The following CD99 variants were observed in gnomAD, a reference collection of about 807,000 sequenced individuals.
The protein encoded by CD99 is CD99 antigen.
Under a neutral mutation model 28.4 loss-of-function variants are expected in CD99, and 19 were observed. That is an observed-to-expected ratio of 0.67 (90% confidence interval 0.47 to 0.98). The LOEUF is 0.98. CD99 is among the 50% of genes least tolerant of loss of function. CD99 has a pLI of 0.00. For missense variants in CD99, 283 were observed against 248.8 expected (o/e 1.14, Z -0.92); for synonymous variants, 103 against 92.1 (o/e 1.12, Z -0.67).
chrX:2,694,253 C>G (rs1329845054), intron 1 of CD99, among the ~76,000 whole-genome samples: 3 of 151,930 alleles, frequency 2.0e-5, no homozygotes, highest in African/African-American at 7.3e-5. Flanking sequence ...TTCCCTCGCC[C>G]CAGTAGAGCA....
At chrX:2,711,106 C>A (rs768099710) in intron 1 of CD99, among the ~76,000 whole-genome samples, 1 of 150,354 alleles carries the variant, frequency 6.7e-6, no homozygotes. Context: ...CTCCTGACCT[C>A]GTGATCCTCT....
In CD99 at chrX:2,691,378, G is replaced by A; in HGVS notation, c.18G>A (p.Ala6=). Residue 6 remains alanine, a synonymous_variant, in exon 1 of 10, where the codon GCG becomes GCA. Coordinates refer to ENST00000381192, the MANE Select transcript of CD99 (RefSeq NM_002414.5). MARGA[A]LALLLFGLLG... ...GGCGCACCATGGCCCGCGGGGCTGC[G>A]CTGGCGCTGCTGCTCTTCGGCCTGC... is the stretch of plus-strand genomic sequence containing the variant. 6.3e-7 allele frequency: 1 copy of A among 1,577,690 alleles called. No homozygotes were observed. Among genetic ancestry groups the A allele is most frequent in the Non-Finnish European group, 8.5e-7 (1 of 1,171,820 alleles).
chrX:2,714,354 AT>A, intron 1 of CD99, 67 bp from the exon 2 acceptor site: 1 of 1,083,814 alleles, frequency 9.2e-7, no homozygotes, highest in Non-Finnish European at 1.4e-6. Flanking sequence ...TATCTTTTTT[AT>A]CTCTATAATA....
chrX:2,717,691 C>T (rs183635468), intron 3 of CD99, 39 bp downstream of exon 3: 1 of 1,574,824 alleles, frequency 6.3e-7, no homozygotes. Context: ...AGAAAAAGAG[C>T]AAATCATTTT....
intron 1 of CD99, among the ~76,000 whole-genome samples, chrX:2,705,893 A>G (rs1465007400): frequency 6.6e-6 from 1 of 152,108 alleles, no homozygotes; most frequent in East Asian, 1.9e-4. Flanking sequence ...ATTCCCACAC[A>G]GGAGGACTTC....
intron 1 of CD99, 31 bp downstream of exon 1, chrX:2,691,458 A>C (rs1224854307): frequency 1.3e-6 from 2 of 1,568,472 alleles, no homozygotes; most frequent in South Asian, 1.1e-5. Flanking sequence ...GGGTTGGGGG[A>C]CGCGGAGGGC....
chrX:2,732,943 T>G (rs2049740158), intron 8 of CD99, among the ~76,000 whole-genome samples: 1 of 132,916 alleles, frequency 7.5e-6, no homozygotes, highest in South Asian at 2.6e-4. Context: ...CCCTCTCTCC[T>G]TCCCTTCCTC....
At chrX:2,711,290 T>TGTATATATA (rs778786873) in intron 1 of CD99, among the ~76,000 whole-genome samples, 1 of 148,360 alleles carries the variant, frequency 6.7e-6, no homozygotes, top group Admixed American at 6.8e-5. Context: ...ATATATAGTA[T>TGTATATATA]GTATATATAG....
At chrX:2,706,537 G>A (rs1395798803) in intron 1 of CD99, among the ~76,000 whole-genome samples, 1 of 152,148 alleles carries the variant, frequency 6.6e-6, no homozygotes, top group Non-Finnish European at 1.5e-5. Context: ...ACCAGCAGGA[G>A]CAGATGAGTA....
intron 8 of CD99, among the ~76,000 whole-genome samples, chrX:2,727,788 T>A (rs1307169959): frequency 6.6e-6 from 1 of 152,092 alleles, no homozygotes; most frequent in Non-Finnish European, 1.5e-5. Flanking sequence ...ACAGCTACTG[T>A]TTTATGGAGG....
intron 1 of CD99, chrX:2,691,824 G>T (rs372340245): frequency 1.3e-6 from 1 of 777,054 alleles, no homozygotes; most frequent in East Asian, 2.4e-5. Context: ...GCGCGCGGAG[G>T]CCGCCCTGGA....
chrX:2,692,130 G>T, intron 1 of CD99: 3 of 581,868 alleles, frequency 5.2e-6, no homozygotes, highest in Non-Finnish European at 9.1e-6. Context: ...ACCCTCCCAC[G>T]CCCTAAACCG....
intron 1 of CD99, among the ~76,000 whole-genome samples, chrX:2,700,853 C>T (rs1309469087): frequency 2.0e-5 from 3 of 151,908 alleles, no homozygotes; most frequent in African/African-American, 7.3e-5. Flanking sequence ...ATCTGTTCAT[C>T]CATCCATCCA....
At chrX:2,717,720 A>C (rs1411043454) in intron 3 of CD99, 68 bp downstream of exon 3, 1 of 1,380,258 alleles carries the variant, frequency 7.2e-7, no homozygotes, top group Non-Finnish European at 1.0e-6. Flanking sequence ...GCAGGACGGG[A>C]CTTAGGCAAC....
At chrX:2,718,461 T>C (rs1249013870) in intron 3 of CD99, among the ~76,000 whole-genome samples, 1 of 151,860 alleles carries the variant, frequency 6.6e-6, no homozygotes, top group East Asian at 1.9e-4. Context: ...CTCCGCTTCC[T>C]GGGTTCACAC....
rs144618770 is a variant in CD99, at chrX:2,710,773, C to T, written c.68-3649C>T. On this transcript the variant is annotated intron_variant, in intron 1 of 9. Coordinates refer to ENST00000381192, the MANE Select transcript of CD99 (RefSeq NM_002414.5). ...GCCTTCAAGGAAGCACTGTCATTTC[C>T]GGGGAAGAGAGTTTTGAGGAAATTG... Among the ~76,000 whole-genome samples the T allele has an allele frequency of 8.2e-3, 1,233 of 151,076 alleles. 9 individuals carry two copies. The highest frequency in any genetic ancestry group is 0.013 in the Non-Finnish European group (897 of 67,822).
At chrX:2,702,493 C>T (rs1207084375) in intron 1 of CD99, among the ~76,000 whole-genome samples, 1 of 152,216 alleles carries the variant, frequency 6.6e-6, no homozygotes, top group African/African-American at 2.4e-5. Context: ...TACACGCAAT[C>T]TTCATCATTC....
At chrX:2,733,105 C>T (rs1273150847) in intron 8 of CD99, among the ~76,000 whole-genome samples, 2 of 151,046 alleles carry the variant, frequency 1.3e-5, no homozygotes, top group African/African-American at 4.9e-5. Flanking sequence ...CTTCTTCCTG[C>T]TTCCCTCCTG....
In CD99 at chrX:2,700,837, C is replaced by T. The variant is rs1011691738; in HGVS notation, c.67+9410C>T. On this transcript the variant is annotated intron_variant, in intron 1 of 9. Transcript: ENST00000381192. ...TTCATCTATCCATCTGTCCATCCATCCACCTATCTGTTCATCCATCCATCC... is the reference window on the plus strand; with the variant it reads ...TTCATCTATCCATCTGTCCATCCATTCACCTATCTGTTCATCCATCCATCC... Among the ~76,000 whole-genome samples the T allele has an allele frequency of 4.3e-4, 65 of 151,980 alleles. 2 individuals carry two copies. The highest frequency in any genetic ancestry group is 1.2e-4 in the Non-Finnish European group (8 of 67,996).
Sources: gnomAD v4.1 joint callset for allele counts (sites outside exome capture counted in the v4.1 genomes callset) on GRCh38, gnomAD v4.1.1 for gene constraint, MANE v1.5 for transcripts, NCBI Gene and HGNC (gene_info 2026-07-23, HGNC 2026-07-21) for gene names.